CLVS1: variants seen among roughly 807,000 people sequenced by gnomAD.
CLVS1 encodes clavesin-1.
A neutral mutation model predicts 33.1 loss-of-function variants in CLVS1; 10 were observed. That is an observed-to-expected ratio of 0.30 (90% CI 0.19 to 0.51). The LOEUF (loss-of-function observed/expected upper bound fraction) is 0.51, where lower values mean the gene tolerates loss of function less well. Ranked by LOEUF, CLVS1 falls within the 20% of genes least tolerant of loss-of-function variation. CLVS1 has a pLI of 0.97. For synonymous variants in CLVS1, 163 were observed against 166.1 expected, an observed-to-expected ratio of 0.98 and a Z score of 0.14; for missense variants, 343 against 433.4, an observed-to-expected ratio of 0.79 and a Z score of 1.85.
chr8:61,248,585 G>A (rs927080082), intron 2 of CLVS1, among the ~76,000 whole-genome samples: 2 of 150,914 alleles, frequency 1.3e-5, no homozygotes, highest in Non-Finnish European at 3.0e-5. Flanking sequence ...TTGGGCTGTC[G>A]GTTTGGTTAA....
rs763112735 is a variant in CLVS1, at chr8:61,454,270, T to A, written c.741+19T>A. 6.5e-7 allele frequency: 1 copy of A among 1,541,250 alleles called. No individual in the cohort carries two copies. Among genetic ancestry groups the A allele is most frequent in the South Asian group, 1.1e-5 (1 of 89,546 alleles). ...GAAACGGGTAATGAAAACAAATGCA[T>A]CATGTAAATTCCTGGTACAATTTTG... On this transcript the variant is annotated intron_variant, in intron 4 of 5. Coordinates refer to ENST00000325897, the MANE Select transcript of CLVS1 (RefSeq NM_173519.3).
At chr8:61,473,862 T>C (rs1357037338) in intron 5 of CLVS1, among the ~76,000 whole-genome samples, 6 of 152,146 alleles carry the variant, frequency 3.9e-5, no homozygotes, top group Non-Finnish European at 7.3e-5. Flanking sequence ...CAGTGCTGAC[T>C]GGGGAGATGA....
the CLVS1 span, among the ~76,000 whole-genome samples, chr8:61,043,461 G>A: frequency 6.6e-6 from 1 of 152,186 alleles, no homozygotes; most frequent in African/African-American, 2.4e-5. Flanking sequence ...AGATGACAAT[G>A]AACTATTACA....
intron 1 of CLVS1, among the ~76,000 whole-genome samples, chr8:61,091,528 T>C (rs543324249): frequency 2.0e-5 from 3 of 152,360 alleles, no homozygotes; most frequent in African/African-American, 7.2e-5. Flanking sequence ...AGGGAGCAGA[T>C]TTCTTTTTCC....
chr8:61,298,377 AGCCG>A (rs1226934065), intron 1 of CLVS1, among the ~76,000 whole-genome samples: 1 of 152,136 alleles, frequency 6.6e-6, no homozygotes, highest in African/African-American at 2.4e-5. Context: ...TATTTTGCAA[AGCCG>A]ATATTTTATA....
intron 1 of CLVS1, among the ~76,000 whole-genome samples, chr8:61,087,402 AG>A (rs1272201157): frequency 6.6e-6 from 1 of 152,212 alleles, no homozygotes. Flanking sequence ...TGCCATGTCC[AG>A]TAAGCTCAAA....
At chr8:61,438,456 CT>C (rs1816425328) in intron 3 of CLVS1, among the ~76,000 whole-genome samples, 1 of 152,122 alleles carries the variant, frequency 6.6e-6, no homozygotes, top group South Asian at 2.1e-4. Flanking sequence ...GATTCCATGT[CT>C]TTGCTATTGT....
At chr8:61,006,206 T>C in the CLVS1 span, among the ~76,000 whole-genome samples, 1 of 152,194 alleles carries the variant, frequency 6.6e-6, no homozygotes, top group African/African-American at 2.4e-5. Context: ...AACTGTGCTG[T>C]TGCTTTTGCA....
intron 2 of CLVS1, among the ~76,000 whole-genome samples, chr8:61,232,128 G>A (rs1259534950): frequency 6.2e-5 from 9 of 144,036 alleles, no homozygotes; most frequent in East Asian, 2.3e-4. Context: ...TCCACCTCCC[G>A]GGTTCAGGCC....
chr8:61,305,302 A>G (rs780659917), intron 2 of CLVS1, among the ~76,000 whole-genome samples: 1 of 151,676 alleles, frequency 6.6e-6, no homozygotes, highest in Non-Finnish European at 1.5e-5. Context: ...CTACGTTTAT[A>G]TTCTTTGTTC....
chr8:60,968,744 C>G, the CLVS1 span, among the ~76,000 whole-genome samples: 5 of 151,482 alleles, frequency 3.3e-5, no homozygotes, highest in Non-Finnish European at 7.4e-5. Context: ...CAAAAATTAG[C>G]TGAGTGTGGG....
At chr8:60,971,967 C>T in the CLVS1 span, among the ~76,000 whole-genome samples, 5 of 152,010 alleles carry the variant, frequency 3.3e-5, no homozygotes, top group Admixed American at 6.6e-5. Context: ...ATTGTATTTG[C>T]TCATGATTCT....
chr8:61,408,441 C>T (rs1437176629), intron 3 of CLVS1, among the ~76,000 whole-genome samples: 1 of 152,178 alleles, frequency 6.6e-6, no homozygotes, highest in Non-Finnish European at 1.5e-5. Flanking sequence ...CTGCCCAACT[C>T]ACCTGCCCCA....
intron 1 of CLVS1, among the ~76,000 whole-genome samples, chr8:61,109,409 G>A (rs1805590183): frequency 1.3e-5 from 2 of 151,926 alleles, no homozygotes; most frequent in Admixed American, 6.6e-5. Flanking sequence ...TCAGATGAAG[G>A]ACAAATGCTT....
intron 1 of CLVS1, among the ~76,000 whole-genome samples, chr8:61,094,127 A>T (rs1805305035): frequency 6.6e-6 from 1 of 152,160 alleles, no homozygotes; most frequent in African/African-American, 2.4e-5. Flanking sequence ...GTTTGATTCA[A>T]GTTTTTGAAG....
intron 2 of CLVS1, among the ~76,000 whole-genome samples, chr8:61,256,067 C>T (rs1809074714): frequency 6.6e-6 from 1 of 152,098 alleles, no homozygotes; most frequent in South Asian, 2.1e-4. Context: ...GTCTCCAGAG[C>T]TTTTCATTAT....
At chr8:61,094,857 C>T (rs141883339) in intron 1 of CLVS1, among the ~76,000 whole-genome samples, 69 of 152,342 alleles carry the variant, frequency 4.5e-4, no homozygotes, top group African/African-American at 1.4e-3. Flanking sequence ...TTCTTACCCA[C>T]CCGATCAGTG....
chr8:61,460,949 G>A (rs1004103937), intron 5 of CLVS1, among the ~76,000 whole-genome samples: 3 of 152,124 alleles, frequency 2.0e-5, no homozygotes, highest in African/African-American at 4.8e-5. Flanking sequence ...AATTTCCATC[G>A]AAAGTTCTGC....
intron 2 of CLVS1, among the ~76,000 whole-genome samples, chr8:61,245,077 A>G (rs1399559862): frequency 2.0e-5 from 3 of 152,140 alleles, no homozygotes; most frequent in African/African-American, 7.2e-5. Flanking sequence ...AACAATATTT[A>G]TCCTGATGAC....
Sources: allele counts gnomAD v4.1 joint callset (sites outside exome capture counted in the v4.1 genomes callset), GRCh38; gene constraint gnomAD v4.1.1; transcripts MANE v1.5; gene names NCBI Gene and HGNC (gene_info 2026-07-23, HGNC 2026-07-21).